LOXL2: variants seen among roughly 807,000 people sequenced by gnomAD.
The protein encoded by LOXL2 is lysyl oxidase homolog 2.
Under a neutral mutation model 93.0 loss-of-function variants are expected in LOXL2, and 70 were observed. That is an observed-to-expected ratio of 0.75 (90% CI 0.62 to 0.92). The LOEUF (loss-of-function observed/expected upper bound fraction) is 0.92, where lower values mean the gene tolerates loss of function less well. Ranked by LOEUF, LOXL2 falls within the 40% of genes least tolerant of loss-of-function variation. The pLI is 0.00. For synonymous variants in LOXL2, 438 were observed against 413.2 expected (o/e 1.06, Z -0.73); for missense variants, 973 against 1,054.9 (o/e 0.92, Z 1.08).
chr8:23,393,500 C>CA (rs1800042107), intron 1 of LOXL2, among the ~76,000 whole-genome samples: 1 of 152,068 alleles, frequency 6.6e-6, no homozygotes, highest in Admixed American at 6.5e-5. Flanking sequence ...TAGCCACATG[C>CA]AAAAGAATGA....
chr8:23,359,224 C>A (rs1804248380), intron 3 of LOXL2, among the ~76,000 whole-genome samples: 1 of 152,112 alleles, frequency 6.6e-6, no homozygotes, highest in East Asian at 1.9e-4. Context: ...CCAAGATGGC[C>A]CCAGCAACCC....
chr8:23,334,738 A>C (rs1024778070), intron 4 of LOXL2, among the ~76,000 whole-genome samples: 4 of 148,910 alleles, frequency 2.7e-5, no homozygotes, highest in Non-Finnish European at 5.9e-5. Context: ...CAAAAAGGAT[A>C]CTGTACCTCA....
chr8:23,356,449 C>A (rs747708350), intron 3 of LOXL2, among the ~76,000 whole-genome samples: 3 of 152,210 alleles, frequency 2.0e-5, no homozygotes, highest in Non-Finnish European at 2.9e-5. Flanking sequence ...AAATATCCCA[C>A]GTAGGTGGTC....
chr8:23,310,689 GTC>G (rs1388037454), intron 9 of LOXL2, among the ~76,000 whole-genome samples: 1 of 152,190 alleles, frequency 6.6e-6, no homozygotes, highest in African/African-American at 2.4e-5. Context: ...CTGTTTTTAA[GTC>G]TCTGATTCCT....
At chr8:23,367,110 G>A (rs1017827123) in intron 2 of LOXL2, among the ~76,000 whole-genome samples, 3 of 152,074 alleles carry the variant, frequency 2.0e-5, no homozygotes, top group African/African-American at 4.8e-5. Context: ...GTGCAGTGGC[G>A]CGATCACGGC....
intron 1 of LOXL2, among the ~76,000 whole-genome samples, chr8:23,385,316 G>T (rs182830523): frequency 6.8e-6 from 1 of 146,928 alleles, no homozygotes; most frequent in East Asian, 2.0e-4. Context: ...GTGTGATCTC[G>T]GCCTACTGCA....
chr8:23,385,970 T>G (rs768100365), intron 1 of LOXL2: 1 of 765,296 alleles, frequency 1.3e-6, no homozygotes, highest in South Asian at 1.3e-5. Flanking sequence ...TGGCCCCATA[T>G]GGTGGTGGCT....
rs777827483 is a variant in LOXL2, at chr8:23,309,890, T to C, written c.1658A>G (p.Asn553Ser). The C allele has an allele frequency of 1.9e-5, 29 of 1,539,352 alleles. 1 individual carries two copies. The highest frequency in any genetic ancestry group is 4.9e-5 in the South Asian group (4 of 81,904). The change falls in exon 10 of 14, where the codon AAT (asparagine) becomes AGT (serine). Residue 553 changes from asparagine (N) to serine (S), a missense_variant. Coordinates refer to ENST00000389131, the MANE Select transcript of LOXL2 (RefSeq NM_002318.3). Reference sequence around the variant, plus strand: ...GGTGGTCTGCTGCACCATCTCCGCATTGAGGACCAGGTCAGGGGCGGCTGC... The same window carrying C: ...GGTGGTCTGCTGCACCATCTCCGCACTGAGGACCAGGTCAGGGGCGGCTGC... ...CSETAPDLVL[N>S]AEMVQQTTYL...
intron 10 of LOXL2, among the ~76,000 whole-genome samples, chr8:23,307,953 G>GGAAAAAAAAAAAAAAAAC (rs58347035): frequency 1.2e-5 from 1 of 83,522 alleles, no homozygotes; most frequent in Non-Finnish European, 2.1e-5. Context: ...GCTGCGATAT[G>GGAAAAAAAAAAAAAAAAC]AAAAAAAAAA....
At chr8:23,315,665 T>C (rs149698859) in intron 9 of LOXL2, among the ~76,000 whole-genome samples, 9 of 152,320 alleles carry the variant, frequency 5.9e-5, no homozygotes, top group African/African-American at 2.2e-4. Context: ...TTCTCTTTGC[T>C]CTGGCTGCTA....
chr8:23,371,479 G>A (rs1804491221), intron 1 of LOXL2, among the ~76,000 whole-genome samples: 1 of 152,116 alleles, frequency 6.6e-6, no homozygotes, highest in Non-Finnish European at 1.5e-5. Flanking sequence ...CTGGCTGGGT[G>A]CAGTGGCTCA....
chr8:23,381,825 C>T (rs368027780), intron 1 of LOXL2, among the ~76,000 whole-genome samples: 1 of 152,244 alleles, frequency 6.6e-6, no homozygotes, highest in African/African-American at 2.4e-5. Context: ...ATGTTGTCCC[C>T]TCTCTCTGCT....
chr8:23,356,866 T>A (rs574881472), intron 3 of LOXL2, among the ~76,000 whole-genome samples: 12 of 152,224 alleles, frequency 7.9e-5, no homozygotes, highest in Non-Finnish European at 1.5e-4. Context: ...CTTGGAAGGA[T>A]CTCCAGCTTT....
rs1438606619 is a variant in LOXL2 at position 23,333,596 on chromosome 8, G to A, written c.771C>T (p.Arg257=). The A allele has an allele frequency of 6.2e-7, 1 of 1,613,506 alleles. No homozygotes were observed. ...YKMFASRRKQ[R]YWPFSMDCTG... ...TGCAGTCCATGGAGAATGGCCAGTA[G>A]CGCTGCTTCCTCCGTGAGGCAAACA... is the stretch of plus-strand genomic sequence containing the variant. The change falls in exon 5 of 14, where the codon CGC becomes CGT. Residue 257 remains arginine (R), a synonymous_variant. Coordinates refer to ENST00000389131, the MANE Select transcript of LOXL2 (RefSeq NM_002318.3).
In LOXL2 at chr8:23,303,332, GC is replaced by G; in HGVS notation, c.1945del (p.Ala649GlnfsTer82). On this transcript the variant is annotated frameshift_variant, in exon 11 of 14. Coordinates refer to ENST00000389131, the MANE Select transcript of LOXL2 (RefSeq NM_002318.3). LOFTEE classifies it high-confidence loss of function. ...GCAGAAGCTGGCCTTGTGGCCCTCT[GC>G]CACCTTGGTGCCATTGAGGTTCAGC... Reference protein sequence around the residue: ...DLLNLNGTKVAEGHKASFCLE... With the variant: ...DLLNLNGTKVXEGHKASFCLE... The G allele has an allele frequency of 6.2e-7, 1 of 1,613,682 alleles. No homozygotes were observed.
intron 1 of LOXL2, among the ~76,000 whole-genome samples, chr8:23,385,168 T>G (rs1399103004): frequency 6.6e-6 from 1 of 152,126 alleles, no homozygotes; most frequent in Non-Finnish European, 1.5e-5. Flanking sequence ...ACCTCTACTT[T>G]TATACAGCAA....
At chr8:23,298,639 A>C (rs191863043) in intron 13 of LOXL2, among the ~76,000 whole-genome samples, 197 bp downstream of exon 13, 40 of 152,204 alleles carry the variant, frequency 2.6e-4, no homozygotes, top group African/African-American at 9.4e-4. Flanking sequence ...ACCATCCTCT[A>C]TCCGTGGCCG....
chr8:23,297,727 ATGG>A lies in LOXL2; in HGVS notation c.*313_*315del. ...GTCTGTGGTGAGCTCGGTGGCTTGA[ATGG>A]GACAAGCTGATGACAACCTGTCTGT... is the stretch of plus-strand genomic sequence containing the variant. On this transcript the variant is annotated 3_prime_UTR_variant, in exon 14 of 14. Transcript: ENST00000389131. 1 of 215,370 alleles carries A rather than the reference ATGG, an allele frequency of 4.6e-6. No homozygotes were observed. 13.3% of individuals were successfully genotyped at this position (215,370 alleles called of 1,614,324 possible).
chr8:23,308,960 C>T (rs1803276111), intron 10 of LOXL2, among the ~76,000 whole-genome samples: 1 of 150,944 alleles, frequency 6.6e-6, no homozygotes, highest in Non-Finnish European at 1.5e-5. Context: ...AAAATACATA[C>T]CAGTACGTGG....
Sources: gnomAD v4.1 joint callset for allele counts (sites outside exome capture counted in the v4.1 genomes callset) on GRCh38, gnomAD v4.1.1 for gene constraint, MANE v1.5 for transcripts, NCBI Gene and HGNC (gene_info 2026-07-23, HGNC 2026-07-21) for gene names.